Variants in PRKN observed in about 807,000 individuals in gnomAD.
PRKN encodes parkin RBR E3 ubiquitin protein ligase.
PRKN carries 56 observed loss-of-function variants against 59.5 expected under a neutral mutation model. That is an observed-to-expected ratio of 0.94 (90% confidence interval 0.76 to 1.18). The LOEUF is 1.18. Ranked by LOEUF, PRKN falls within the 50% of genes most tolerant of loss-of-function variation. The pLI is 0.00. For synonymous variants in PRKN, 250 were observed against 222.1 expected, an observed-to-expected ratio of 1.13 and a Z score of -1.12; for missense variants, 657 against 596.4, an observed-to-expected ratio of 1.10 and a Z score of -1.06.
At chr6:161,613,978 A>G (rs898897505) in intron 7 of PRKN, among the ~76,000 whole-genome samples, 9 of 152,258 alleles carry the variant, frequency 5.9e-5, no homozygotes, top group African/African-American at 1.9e-4. Flanking sequence ...AAGCTCATTC[A>G]AGTTGTAGCA....
At chr6:162,253,868 C>A (rs1323727281) in intron 3 of PRKN, among the ~76,000 whole-genome samples, 1 of 151,932 alleles carries the variant, frequency 6.6e-6, no homozygotes, top group Non-Finnish European at 1.5e-5. Flanking sequence ...ACACAATAAG[C>A]AGCTTTTTAA....
chr6:162,689,810 A>G (rs1394361316), intron 1 of PRKN, among the ~76,000 whole-genome samples: 1 of 152,204 alleles, frequency 6.6e-6, no homozygotes, highest in African/African-American at 2.4e-5. Context: ...GCAAGAGTGT[A>G]AAACAGTAGA....
intron 1 of PRKN, among the ~76,000 whole-genome samples, chr6:162,559,095 G>A (rs1056602186): frequency 7.0e-6 from 1 of 142,418 alleles, no homozygotes; most frequent in African/African-American, 2.6e-5. Flanking sequence ...AGCTTGTAGT[G>A]AGCCAAGATC....
intron 6 of PRKN, among the ~76,000 whole-genome samples, chr6:161,893,207 T>C (rs1277198913): frequency 6.6e-6 from 1 of 152,192 alleles, no homozygotes; most frequent in African/African-American, 2.4e-5. Flanking sequence ...TATAGTTAAA[T>C]CAAAAGCGGC....
intron 4 of PRKN, among the ~76,000 whole-genome samples, chr6:162,164,157 A>G (rs1313894592): frequency 6.7e-6 from 1 of 149,352 alleles, no homozygotes; most frequent in Admixed American, 6.7e-5. Flanking sequence ...TTATTTAACA[A>G]TGGCCGAAAA....
intron 6 of PRKN, among the ~76,000 whole-genome samples, chr6:161,828,827 C>T (rs761617294): frequency 1.3e-4 from 20 of 151,248 alleles, no homozygotes; most frequent in Non-Finnish European, 2.1e-4. Flanking sequence ...CTACTTGGGA[C>T]GCTGAGGCGG....
At chr6:161,846,201 T>C (rs1053848885) in intron 6 of PRKN, among the ~76,000 whole-genome samples, 10 of 152,192 alleles carry the variant, frequency 6.6e-5, no homozygotes, top group Non-Finnish European at 1.3e-4. Context: ...CGGGTTCTAA[T>C]ATAGAAACAT....
intron 6 of PRKN, among the ~76,000 whole-genome samples, chr6:161,957,984 C>A (rs1780245024): frequency 6.6e-6 from 1 of 152,142 alleles, no homozygotes; most frequent in Non-Finnish European, 1.5e-5. Context: ...TCAGATTAAT[C>A]TTAGAAATAA....
At chr6:162,488,931 G>C (rs963695993) in intron 1 of PRKN, among the ~76,000 whole-genome samples, 6 of 152,218 alleles carry the variant, frequency 3.9e-5, no homozygotes, top group South Asian at 2.1e-4. Flanking sequence ...TACTAAGAAG[G>C]GGGTAAAGGT....
chr6:161,840,184 G>A (rs1792925635), intron 6 of PRKN, among the ~76,000 whole-genome samples: 2 of 152,186 alleles, frequency 1.3e-5, no homozygotes, highest in Non-Finnish European at 2.9e-5. Context: ...CCGTAGGCTC[G>A]TGGGCAGGGG....
intron 1 of PRKN, among the ~76,000 whole-genome samples, chr6:162,590,656 A>G (rs1352326623): frequency 6.6e-6 from 1 of 152,206 alleles, no homozygotes; most frequent in Non-Finnish European, 1.5e-5. Flanking sequence ...AATGAAGACT[A>G]ATGAAAACAA....
chr6:162,723,655 T>C (rs1266991552), intron 1 of PRKN, among the ~76,000 whole-genome samples: 1 of 152,226 alleles, frequency 6.6e-6, no homozygotes, highest in Admixed American at 6.5e-5. Context: ...AATTTTGAAA[T>C]ACCTAGGAAA....
At chr6:162,266,141 AT>A (rs1209023464) in intron 2 of PRKN, among the ~76,000 whole-genome samples, 1 of 152,170 alleles carries the variant, frequency 6.6e-6, no homozygotes, top group East Asian at 1.9e-4. Context: ...TTCTATCCAC[AT>A]TTTTTCCCTA....
chr6:161,796,207 T>C (rs1403215471), intron 6 of PRKN, among the ~76,000 whole-genome samples: 1 of 152,206 alleles, frequency 6.6e-6, no homozygotes, highest in Non-Finnish European at 1.5e-5. Flanking sequence ...CCCATTTGCC[T>C]TTAGTCTAAT....
chr6:161,522,268 G>A (rs550152491), intron 9 of PRKN, among the ~76,000 whole-genome samples: 6 of 152,288 alleles, frequency 3.9e-5, no homozygotes, highest in South Asian at 2.1e-4. Flanking sequence ...ACAAGAGACC[G>A]ATGACAGGCG....
chr6:161,777,908 G>T (rs188059132), intron 7 of PRKN, among the ~76,000 whole-genome samples: 35 of 143,736 alleles, frequency 2.4e-4, no homozygotes, highest in South Asian at 4.3e-4. Flanking sequence ...ACATATATAT[G>T]TGTATATATA....
chr6:161,800,675 G>A (rs369186877), intron 6 of PRKN, among the ~76,000 whole-genome samples: 5 of 152,180 alleles, frequency 3.3e-5, no homozygotes, highest in East Asian at 1.9e-4. Flanking sequence ...AGGCTGTTGG[G>A]GGACCATAGC....
At chr6:161,818,491 C>A (rs953926746) in intron 6 of PRKN, among the ~76,000 whole-genome samples, 1 of 151,938 alleles carries the variant, frequency 6.6e-6, no homozygotes, top group Non-Finnish European at 1.5e-5. Context: ...TGCCACCATG[C>A]CTGGCTAAGT....
At position 161,593,238 on chromosome 6, in the gene PRKN, G is replaced by T. The variant is rs531312700; in HGVS notation, c.872-23822C>A. Among the ~76,000 whole-genome samples the T allele has an allele frequency of 6.6e-6, 1 of 152,186 alleles. No homozygotes were observed. The highest frequency in any genetic ancestry group is 1.5e-5 in the Non-Finnish European group (1 of 68,044). On this transcript the variant is annotated intron_variant, in intron 7 of 11. Coordinates refer to ENST00000366898, the MANE Select transcript of PRKN (RefSeq NM_004562.3). This position sits in a 1 kb window ranked among gnomAD's most constrained non-coding sequence, Gnocchi z 4.8. ...TCAACTGCATCCCAGGAGCTGTTCCGAGTGCTTCGCATGGATCACCTCCTT... is the reference window on the plus strand; with the variant it reads ...TCAACTGCATCCCAGGAGCTGTTCCTAGTGCTTCGCATGGATCACCTCCTT...
Sources: gnomAD v4.1 joint callset for allele counts (sites outside exome capture counted in the v4.1 genomes callset) on GRCh38, gnomAD v4.1.1 for gene constraint, Gnocchi (gnomAD v3.1) non-coding constraint, MANE v1.5 for transcripts, NCBI Gene and HGNC (gene_info 2026-07-23, HGNC 2026-07-21) for gene names.